GALNT14: variants seen among roughly 807,000 people sequenced by gnomAD.
GALNT14 encodes the protein polypeptide N-acetylgalactosaminyltransferase 14, also known as UDP-GalNAc:polypeptide N-acetylgalactosaminyltransferase 14.
GALNT14 carries 60 observed loss-of-function variants against 77.5 expected under a neutral mutation model. The observed-to-expected ratio is 0.77, with a 90% CI of 0.63 to 0.96. The LOEUF (loss-of-function observed/expected upper bound fraction) is 0.96, where lower values mean the gene tolerates loss of function less well. Ranked by LOEUF, GALNT14 falls within the 40% of genes least tolerant of loss-of-function variation. The pLI is 0.00. For missense variants in GALNT14, 710 were observed against 731.0 expected, an observed-to-expected ratio of 0.97 and a Z score of 0.33; for synonymous variants, 280 against 281.7, an observed-to-expected ratio of 0.99 and a Z score of 0.06.
intron 2 of GALNT14, among the ~76,000 whole-genome samples, chr2:30,981,571 C>A (rs1668991566): frequency 6.8e-6 from 1 of 148,046 alleles, no homozygotes; most frequent in Non-Finnish European, 1.5e-5. Flanking sequence ...GACAAGGTGG[C>A]AATAAAAAGG....
At position 30,929,472 on chromosome 2, in the gene GALNT14, T is replaced by A; in HGVS notation, c.1074A>T (p.Thr358=). ...TGTATTCATCCATCCACACTTCAGC[T>A]GTCCGCTTGGTGTTCCTGGGAAAAC... The part of the protein sequence containing the change: ...ANTYIKNTKR[T]AEVWMDEYKQ... Residue 358 remains threonine, a synonymous_variant, in exon 11 of 15, where the codon ACA becomes ACT. Transcript: ENST00000349752. The A allele has an allele frequency of 1.2e-6, 2 of 1,614,050 alleles. No individual in the cohort carries two copies.
At chr2:31,019,158 T>C (rs570999551) in intron 1 of GALNT14, among the ~76,000 whole-genome samples, 9 of 152,228 alleles carry the variant, frequency 5.9e-5, no homozygotes, top group South Asian at 2.1e-4. Flanking sequence ...CCACCACTCA[T>C]ATGTCTCACT....
chr2:30,955,835 C>G (rs1159717876), intron 5 of GALNT14, 77 bp downstream of exon 5: 1 of 1,609,772 alleles, frequency 6.2e-7, no homozygotes, highest in Non-Finnish European at 8.5e-7. Context: ...ACTGATCACC[C>G]CAACACACAC....
At chr2:31,137,912 T>G (rs1465128336) in intron 1 of GALNT14, 46 bp downstream of exon 1, 1 of 1,569,820 alleles carries the variant, frequency 6.4e-7, no homozygotes, top group Non-Finnish European at 8.6e-7. Context: ...CTGCGCGCCC[T>G]CCCGCAAGCC....
At chr2:30,989,611 A>AATATATATTAATATATATAAAAAT (rs1669551386) in intron 2 of GALNT14, among the ~76,000 whole-genome samples, 1 of 119,358 alleles carries the variant, frequency 8.4e-6, no homozygotes, top group African/African-American at 3.1e-5. Context: ...GATATATAAA[A>AATATATATTAATATATATAAAAAT]ATATATATTA....
chr2:31,015,933 G>A (rs1671321588), intron 1 of GALNT14, among the ~76,000 whole-genome samples: 1 of 152,190 alleles, frequency 6.6e-6, no homozygotes, highest in African/African-American at 2.4e-5. Flanking sequence ...CTGCCTAAAC[G>A]AGACCTTGAA....
At chr2:30,915,545 G>A (rs1664624716) in intron 13 of GALNT14, among the ~76,000 whole-genome samples, 1 of 152,164 alleles carries the variant, frequency 6.6e-6, no homozygotes, top group Non-Finnish European at 1.5e-5. Context: ...AGCATTTTCG[G>A]ATTTCCATTC....
At chr2:31,094,045 C>T (rs7340309) in intron 1 of GALNT14, among the ~76,000 whole-genome samples, 23,621 of 152,224 alleles carry the variant, frequency 0.16, 2,211 homozygotes, top group Middle Eastern at 0.24. Flanking sequence ...GCGACCTGCA[C>T]GTATACATCC....
At chr2:31,050,815 G>A (rs148139895) in intron 1 of GALNT14, among the ~76,000 whole-genome samples, 3 of 151,700 alleles carry the variant, frequency 2.0e-5, no homozygotes, top group Non-Finnish European at 4.4e-5. Flanking sequence ...CTATTTGGAG[G>A]TGAGGGATTC....
intron 13 of GALNT14, among the ~76,000 whole-genome samples, chr2:30,913,649 A>G (rs1206906602): frequency 6.6e-6 from 1 of 152,164 alleles, no homozygotes; most frequent in Non-Finnish European, 1.5e-5. Flanking sequence ...TTGCTGTACA[A>G]TGACGCCTGG....
At chr2:30,923,290 C>T (rs1488995161) in intron 13 of GALNT14, among the ~76,000 whole-genome samples, 6 of 152,036 alleles carry the variant, frequency 3.9e-5, no homozygotes, top group Admixed American at 6.6e-5. Context: ...TCTTGAACTC[C>T]GGACCTTAGG....
chr2:30,934,965 T>C (rs1343216835), intron 9 of GALNT14, among the ~76,000 whole-genome samples: 1 of 152,228 alleles, frequency 6.6e-6, no homozygotes, highest in Non-Finnish European at 1.5e-5. Flanking sequence ...TACAGCCTGC[T>C]GTAGCCCTGC....
chr2:31,068,928 T>G (rs767464260), intron 1 of GALNT14, among the ~76,000 whole-genome samples: 6 of 152,208 alleles, frequency 3.9e-5, no homozygotes, highest in African/African-American at 1.2e-4. Flanking sequence ...ATTCTATTTA[T>G]ATGAAATGTC....
intron 1 of GALNT14, among the ~76,000 whole-genome samples, chr2:31,062,440 T>A (rs146290107): frequency 0.013 from 2,042 of 152,328 alleles, 44 homozygotes; most frequent in African/African-American, 0.046. Flanking sequence ...ATGTGCCACA[T>A]TTTCTTTATC....
intron 1 of GALNT14, among the ~76,000 whole-genome samples, chr2:31,017,079 T>A (rs1671415882): frequency 6.6e-6 from 1 of 152,252 alleles, no homozygotes; most frequent in Non-Finnish European, 1.5e-5. Flanking sequence ...GACTTCTAAT[T>A]TGGACCCCAG....
chr2:31,101,214 T>C (rs1677259571), intron 1 of GALNT14, among the ~76,000 whole-genome samples: 1 of 152,058 alleles, frequency 6.6e-6, no homozygotes, highest in South Asian at 2.1e-4. Context: ...TGTTCACTAA[T>C]ATAAAACCAT....
downstream of GALNT14, among the ~76,000 whole-genome samples, chr2:30,906,756 A>T (rs1002827201): frequency 3.3e-5 from 5 of 152,094 alleles, no homozygotes; most frequent in African/African-American, 4.8e-5. Context: ...CAGAATATAC[A>T]TTTTTTTCAG....
chr2:30,921,450 T>G (rs1473874048), intron 13 of GALNT14, among the ~76,000 whole-genome samples: 1 of 152,144 alleles, frequency 6.6e-6, no homozygotes, highest in Non-Finnish European at 1.5e-5. Flanking sequence ...TTAAGCAAAA[T>G]CAACACCTCA....
intron 1 of GALNT14, among the ~76,000 whole-genome samples, chr2:31,046,627 CTTAT>C (rs1673485122): frequency 4.0e-5 from 2 of 49,990 alleles, no homozygotes; most frequent in Admixed American, 1.6e-4. Flanking sequence ...TAGTTGGAAA[CTTAT>C]GAATGTAGTA....
Sources: allele counts gnomAD v4.1 joint callset (sites outside exome capture counted in the v4.1 genomes callset), GRCh38; gene constraint gnomAD v4.1.1; transcripts MANE v1.5; gene names NCBI Gene and HGNC (gene_info 2026-07-23, HGNC 2026-07-21).